The following ZNF146 variants were observed in gnomAD, a reference collection of about 807,000 sequenced individuals.
ZNF146 encodes zinc finger protein OZF.
A neutral mutation model predicts 22.2 loss-of-function variants in ZNF146; 9 were observed. That is an observed-to-expected ratio of 0.41 (90% confidence interval 0.24 to 0.71). The LOEUF (loss-of-function observed/expected upper bound fraction) is 0.71. ZNF146 is among the 30% of genes least tolerant of loss of function. ZNF146 has a pLI of 0.34. For synonymous variants in ZNF146, 108 were observed against 119.2 expected (o/e 0.91, Z 0.61); for missense variants, 194 against 344.8 (o/e 0.56, Z 3.46).
At chr19:36,224,315 G>A (rs958820960) in intron 2 of ZNF146, among the ~76,000 whole-genome samples, 1 of 152,188 alleles carries the variant, frequency 6.6e-6, no homozygotes, top group Non-Finnish European at 1.5e-5. Flanking sequence ...TAGGAGGGCG[G>A]AGGTTGCAGT....
intron 3 of ZNF146, among the ~76,000 whole-genome samples, chr19:36,233,295 A>ATT (rs1977473686): frequency 6.6e-6 from 1 of 152,110 alleles, no homozygotes; most frequent in African/African-American, 2.4e-5. Context: ...TTCAAGAATC[A>ATT]CTTGAAGCCA....
chr19:36,217,055 CTTTTTTTTT>C (rs752632008), intron 1 of ZNF146, among the ~76,000 whole-genome samples: 3 of 65,878 alleles, frequency 4.6e-5, no homozygotes, highest in Admixed American at 2.3e-4. Context: ...CAGTCCCTGT[CTTTTTTTTT>C]TTTTTTTTTT....
intron 2 of ZNF146, among the ~76,000 whole-genome samples, chr19:36,225,752 C>CTTTTT (rs67760026): frequency 4.5e-5 from 3 of 66,724 alleles, no homozygotes; most frequent in Admixed American, 1.9e-4. Flanking sequence ...CTTTGTGATT[C>CTTTTT]TTTTTTTTTT....
In ZNF146 at chr19:36,236,321, A is replaced by G. The variant is rs1977642193; in HGVS notation, c.-120A>G. 3.3e-6 allele frequency: 4 copies of G among 1,214,594 alleles called. No individual in the cohort carries two copies. Among genetic ancestry groups the G allele is most frequent in the African/African-American group, 3.1e-5 (2 of 65,554 alleles). The allele number at this position is 1,214,594 out of a possible 1,614,324, so 75.2% of individuals were successfully genotyped here. On this transcript the variant is annotated 5_prime_UTR_variant, in exon 4 of 4. Coordinates refer to ENST00000443387, the MANE Select transcript of ZNF146 (RefSeq NM_007145.3). ...TTACTCTGCATTTGGGAGATCATAC[A>G]CAGAGAAGCCTTATAAATGTAAGAG...
chr19:36,232,999 T>G (rs1344568406), intron 3 of ZNF146, among the ~76,000 whole-genome samples: 1 of 152,186 alleles, frequency 6.6e-6, no homozygotes, highest in Admixed American at 6.5e-5. Flanking sequence ...TTGCCACGCT[T>G]TTGTATGTCC....
At chr19:36,223,713 C>T (rs549877647) in intron 2 of ZNF146, among the ~76,000 whole-genome samples, 6 of 151,272 alleles carry the variant, frequency 4.0e-5, no homozygotes, top group South Asian at 4.2e-4. Flanking sequence ...TAAGTTTCAC[C>T]GATATTTTCA....
chr19:36,237,252 G>C lies in ZNF146; in HGVS notation c.812G>C (p.Ser271Thr). ...IHTGKKPYQC[S>T]ECGKAFSQKS... is the part of the protein sequence containing the mutation. ...ACAGGTAAGAAGCCTTATCAGTGCA[G>C]TGAATGTGGGAAAGCTTTCAGCCAG... Residue 271 changes from serine to threonine, a missense_variant, in exon 4 of 4, where the codon AGT becomes ACT. Around this residue, in one of 2 missense-constraint regions of ZNF146, gnomAD observed 147 missense variants for 300.1 expected, o/e 0.49. Coordinates refer to ENST00000443387, the MANE Select transcript of ZNF146 (RefSeq NM_007145.3). The C allele has an allele frequency of 6.2e-7, 1 of 1,613,956 alleles. No individual in the cohort carries two copies. The highest frequency in any genetic ancestry group is 8.5e-7 in the Non-Finnish European group (1 of 1,179,944).
Position 36,237,315 on chromosome 19 carries a change from A to G in ZNF146, c.875A>G (p.His292Arg). The G allele has an allele frequency of 6.3e-7, 1 of 1,595,442 alleles. No individual in the cohort carries two copies. Among genetic ancestry groups the G allele is most frequent in the Non-Finnish European group, 8.5e-7 (1 of 1,170,696 alleles). ...ATTAGACACCAGAAAATTCATACTCACTAAAAACCCCATGAAAGCCTTGAA... is the reference window on the plus strand; with the variant it reads ...ATTAGACACCAGAAAATTCATACTCGCTAAAAACCCCATGAAAGCCTTGAA... ...HHIRHQKIHT[H>R] Residue 292 changes from histidine to arginine, a missense_variant, in exon 4 of 4, where the codon CAC becomes CGC. By Grantham distance (29) the His-to-Arg change is conservative. Transcript: ENST00000443387.
intron 2 of ZNF146, among the ~76,000 whole-genome samples, chr19:36,220,490 G>C (rs933357583): frequency 6.6e-6 from 1 of 151,898 alleles, no homozygotes; most frequent in Admixed American, 6.6e-5. Context: ...TCAGCCTCCC[G>C]AGTAGCTGGG....
At position 36,224,296 on chromosome 19, in the gene ZNF146, G is replaced by A. The variant is rs548826383; in HGVS notation, c.-854-4452G>A. ...ATTCGGAGGCTGAGACAGGAGAATC[G>A]CTTGAACATAGGAGGGCGGAGGTTG... is the stretch of plus-strand genomic sequence containing the variant. On this transcript the variant is annotated intron_variant, in intron 2 of 3. Coordinates refer to ENST00000443387, the MANE Select transcript of ZNF146 (RefSeq NM_007145.3). Among the ~76,000 whole-genome samples, 14 of 152,218 alleles carry A rather than the reference G, an allele frequency of 9.2e-5. 1 individual carries two copies. The South Asian group carries it at 2.5e-3, about 27-fold the overall frequency.
At chr19:36,214,864 A>G (rs1976527488), upstream of ZNF146, 1 of 152,624 alleles carries the variant, frequency 6.6e-6, no homozygotes, top group Non-Finnish European at 1.5e-5. Flanking sequence ...GCTTGAAGTC[A>G]TCTGACGCTA....
At chr19:36,221,297 T>TC in intron 2 of ZNF146, among the ~76,000 whole-genome samples, 1 of 146,396 alleles carries the variant, frequency 6.8e-6, no homozygotes, top group East Asian at 2.0e-4. Context: ...TTTTTTTTTT[T>TC]TTTTTTTTTG....
rs943704839 is a variant in ZNF146, at chr19:36,235,042, T to C, written c.-782-617T>C. Among the ~76,000 whole-genome samples, 7 of 152,026 alleles carry C rather than the reference T, an allele frequency of 4.6e-5. No individual in the cohort carries two copies. In the South Asian group the frequency reaches 1.2e-3, roughly 27 times the overall value. ...TTGTTGGTTGATCTATTCCTTTTCT[T>C]AGAAAGATGAGCATTATTTAGCCAG... On this transcript the variant is annotated intron_variant, in intron 3 of 3. Transcript: ENST00000443387.
chr19:36,220,843 C>T (rs1489345323), intron 2 of ZNF146, among the ~76,000 whole-genome samples: 1 of 145,016 alleles, frequency 6.9e-6, no homozygotes, highest in Non-Finnish European at 1.5e-5. Flanking sequence ...TATTTTTGTT[C>T]TTAAAATGCA....
chr19:36,218,643 G>C (rs1976712751), intron 2 of ZNF146, among the ~76,000 whole-genome samples: 1 of 151,442 alleles, frequency 6.6e-6, no homozygotes, highest in Non-Finnish European at 1.5e-5. Flanking sequence ...TTTTGTTTTT[G>C]TATTTTTAGT....
chr19:36,231,976 G>T (rs1381051600), intron 3 of ZNF146, among the ~76,000 whole-genome samples: 1 of 151,858 alleles, frequency 6.6e-6, no homozygotes, highest in Non-Finnish European at 1.5e-5. Context: ...GCCGAGGCAG[G>T]CAGATCACCT....
intron 3 of ZNF146, 92 bp downstream of exon 3, chr19:36,228,911 A>G (rs572073962): frequency 3.9e-5 from 6 of 152,220 alleles, no homozygotes; most frequent in Non-Finnish European, 8.8e-5. Flanking sequence ...CTGTAGACAT[A>G]TAGAGTATTG....
chr19:36,230,988 T>A (rs2918376), intron 3 of ZNF146, among the ~76,000 whole-genome samples: 103,977 of 151,654 alleles, frequency 0.69, 35,692 homozygotes, highest in Middle Eastern at 0.74. Context: ...TTTAGTAGAG[T>A]CGAGGTTTCA....
chr19:36,223,510 A>C (rs1328365518), intron 2 of ZNF146, among the ~76,000 whole-genome samples: 1 of 151,742 alleles, frequency 6.6e-6, no homozygotes, highest in Non-Finnish European at 1.5e-5. Flanking sequence ...CTACAGGCGC[A>C]TGCCACCACG....
Sources: gnomAD v4.1 joint callset for allele counts (sites outside exome capture counted in the v4.1 genomes callset) on GRCh38, gnomAD v4.1.1 for gene constraint, gnomAD v4.1.1 regional missense constraint, MANE v1.5 for transcripts, NCBI Gene and HGNC (gene_info 2026-07-23, HGNC 2026-07-21) for gene names.